FRS2: variants seen among roughly 807,000 people sequenced by gnomAD.
The protein encoded by FRS2 is FGFR signalling adaptor.
A neutral mutation model predicts 43.9 loss-of-function variants in FRS2; 8 were observed. That is an observed-to-expected ratio of 0.18 (90% CI 0.11 to 0.33). FRS2 has a LOEUF of 0.33. FRS2 is among the 10% of genes least tolerant of loss of function. The pLI, the probability that FRS2 is intolerant of heterozygous loss-of-function variation, is 1.00. For missense variants in FRS2, 534 were observed against 627.6 expected, an observed-to-expected ratio of 0.85 and a Z score of 1.59; for synonymous variants, 219 against 220.3, an observed-to-expected ratio of 0.99 and a Z score of 0.05.
intron 1 of FRS2, among the ~76,000 whole-genome samples, chr12:69,498,294 G>A (rs1453849098): frequency 6.6e-6 from 1 of 152,156 alleles, no homozygotes; most frequent in Non-Finnish European, 1.5e-5. Context: ...AGGGATAAAA[G>A]TATAAGGCAC....
chr12:69,519,048 G>A (rs1373169415), intron 1 of FRS2, among the ~76,000 whole-genome samples: 2 of 149,876 alleles, frequency 1.3e-5, no homozygotes, highest in African/African-American at 4.9e-5. Context: ...TTCTATTTTT[G>A]AAGTTATGGA....
chr12:69,556,717 G>A (rs939864678), intron 3 of FRS2, among the ~76,000 whole-genome samples: 5 of 152,126 alleles, frequency 3.3e-5, no homozygotes, highest in East Asian at 3.8e-4. Context: ...ATTTTCTTAC[G>A]TGTCTTTTAG....
intron 1 of FRS2, among the ~76,000 whole-genome samples, chr12:69,505,053 C>T (rs972268072): frequency 1.3e-5 from 2 of 152,158 alleles, no homozygotes; most frequent in African/African-American, 2.4e-5. Context: ...GAGATGGAGT[C>T]TCAGTATATT....
At chr12:69,533,727 C>G (rs144575473) in intron 3 of FRS2, among the ~76,000 whole-genome samples, 1 of 151,992 alleles carries the variant, frequency 6.6e-6, no homozygotes, top group African/African-American at 2.4e-5. Context: ...AGAATTTCAT[C>G]GGGGTGATGA....
In FRS2 at chr12:69,576,442, T is replaced by C. The variant is rs1373365376; in HGVS notation, c.*1487T>C. ...TCTTGGAAAATCAAAGATGTTCCAATTTCCTAAACACTAGAGAATACGAGA... is the reference window on the plus strand; with the variant it reads ...TCTTGGAAAATCAAAGATGTTCCAACTTCCTAAACACTAGAGAATACGAGA... On this transcript the variant is annotated 3_prime_UTR_variant, in exon 9 of 9. Coordinates refer to ENST00000549921, the MANE Select transcript of FRS2 (RefSeq NM_001278356.2). The C allele has an allele frequency of 6.6e-6, 1 of 152,202 alleles. No individual in the cohort carries two copies. 9.4% of individuals were successfully genotyped at this position (152,202 alleles called of 1,614,324 possible). A position where few individuals can be genotyped will look rare whatever the true frequency, so the allele number is the denominator to read the frequency against.
At chr12:69,531,225 G>A (rs868357196) in intron 2 of FRS2, among the ~76,000 whole-genome samples, 1 of 151,834 alleles carries the variant, frequency 6.6e-6, no homozygotes, top group African/African-American at 2.4e-5. Flanking sequence ...AGCTACTTGG[G>A]AGGCTGAGGC....
rs1881128263 is a variant in FRS2, at chr12:69,575,467, A to T, written c.*512A>T. On this transcript the variant is annotated 3_prime_UTR_variant, in exon 9 of 9. Coordinates refer to ENST00000549921, the MANE Select transcript of FRS2 (RefSeq NM_001278356.2). ...ACTTGAGCCAAAACATATGTAAAGGAAACAGAAGTACCGCACCTCCTCTTA... is the reference window on the plus strand; with the variant it reads ...ACTTGAGCCAAAACATATGTAAAGGTAACAGAAGTACCGCACCTCCTCTTA... 6.5e-6 allele frequency: 1 copy of T among 153,700 alleles called. No individual in the cohort carries two copies. Among genetic ancestry groups the T allele is most frequent in the African/African-American group, 2.4e-5 (1 of 41,460 alleles). 9.5% of individuals were successfully genotyped at this position (153,700 alleles called of 1,614,324 possible). A position where few individuals can be genotyped will look rare whatever the true frequency, so the allele number is the denominator to read the frequency against.
Position 69,557,619 on chromosome 12 carries a change from T to TGCGCGCGC in FRS2, c.-121-4550_-121-4543dup, listed in dbSNP as rs529133007. On this transcript the variant is annotated intron_variant, in intron 3 of 8. Transcript: ENST00000549921. ...TTGTGTGTGTGTGTGTGTGTGTGTG[T>TGCGCGCGC]GCGCGCGCGCGCGCGCGCAGGTGCA... 7.8e-3 allele frequency among the ~76,000 whole-genome samples: 925 copies of TGCGCGCGC among 118,932 alleles called. 4 individuals are homozygous for TGCGCGCGC. The highest frequency in any genetic ancestry group is 0.011 in the African/African-American group (399 of 35,136). The allele number at this position is 118,932 out of a possible 152,430, so 78.0% of individuals were successfully genotyped here.
At chr12:69,491,388 C>T (rs577080489) in intron 1 of FRS2, 34 of 152,162 alleles carry the variant, frequency 2.2e-4, no homozygotes, top group African/African-American at 5.3e-4. Flanking sequence ...TGAACTACCG[C>T]GCCTGGCCCA....
chr12:69,562,442 C>T lies in FRS2; in HGVS notation c.-27+168C>T, dbSNP rs182108686. On this transcript the variant is annotated intron_variant, in intron 4 of 8. Coordinates refer to ENST00000549921, the MANE Select transcript of FRS2 (RefSeq NM_001278356.2). ...CTTCCCAAAGTGTTAGGATTACAGG[C>T]GTGAGCCACCACTCCTGGCCTATAA... is the stretch of plus-strand genomic sequence containing the variant. 2.0e-3 allele frequency among the ~76,000 whole-genome samples: 305 copies of T among 152,172 alleles called. 2 individuals carry two copies. The highest frequency in any genetic ancestry group is 7.1e-3 in the African/African-American group (294 of 41,526).
At chr12:69,520,515 G>T (rs1465932230) in intron 1 of FRS2, among the ~76,000 whole-genome samples, 3 of 151,052 alleles carry the variant, frequency 2.0e-5, no homozygotes, top group African/African-American at 7.3e-5. Context: ...GAATGATATT[G>T]CCTAGGTTGT....
intron 1 of FRS2, among the ~76,000 whole-genome samples, chr12:69,482,599 T>C (rs1364457978): frequency 6.6e-6 from 1 of 152,238 alleles, no homozygotes; most frequent in Non-Finnish European, 1.5e-5. Context: ...ATTGCTGTCA[T>C]GGAGCACAGT....
intron 3 of FRS2, among the ~76,000 whole-genome samples, chr12:69,537,022 A>G (rs956919585): frequency 6.6e-6 from 1 of 152,012 alleles, no homozygotes; most frequent in Middle Eastern, 3.2e-3. Flanking sequence ...CTTGTTTATA[A>G]TTAATATATT....
chr12:69,490,282 C>T (rs1372133557), intron 1 of FRS2, among the ~76,000 whole-genome samples: 1 of 152,018 alleles, frequency 6.6e-6, no homozygotes, highest in East Asian at 1.9e-4. Context: ...TAAATAGCAA[C>T]ATTTAAAAAT....
chr12:69,559,784 GT>G (rs1296239941), intron 3 of FRS2, among the ~76,000 whole-genome samples: 1 of 148,842 alleles, frequency 6.7e-6, no homozygotes, highest in Non-Finnish European at 1.5e-5. Flanking sequence ...CTACCCAATG[GT>G]TTAAAAAAAA....
At chr12:69,538,528 A>C (rs780062660) in intron 3 of FRS2, among the ~76,000 whole-genome samples, 1 of 152,096 alleles carries the variant, frequency 6.6e-6, no homozygotes, top group Non-Finnish European at 1.5e-5. Context: ...AAAATGATTC[A>C]TGCCTTTTTA....
At chr12:69,561,014 A>G (rs1296364491) in intron 3 of FRS2, among the ~76,000 whole-genome samples, 1 of 152,202 alleles carries the variant, frequency 6.6e-6, no homozygotes, top group African/African-American at 2.4e-5. Flanking sequence ...GAATAGAGAT[A>G]TTTCTGACTT....
At chr12:69,522,548 C>G (rs961157486) in intron 1 of FRS2, among the ~76,000 whole-genome samples, 1 of 152,038 alleles carries the variant, frequency 6.6e-6, no homozygotes, top group African/African-American at 2.4e-5. Flanking sequence ...AAGCCAACTC[C>G]TGGGTGTATT....
At chr12:69,498,733 T>C (rs1277824687) in intron 1 of FRS2, among the ~76,000 whole-genome samples, 1 of 151,960 alleles carries the variant, frequency 6.6e-6, no homozygotes, top group East Asian at 1.9e-4. Flanking sequence ...TGGTGGAGCT[T>C]GAAGAAGTGG....
Sources: allele counts gnomAD v4.1 joint callset (sites outside exome capture counted in the v4.1 genomes callset), GRCh38; gene constraint gnomAD v4.1.1; transcripts MANE v1.5; gene names NCBI Gene and HGNC (gene_info 2026-07-23, HGNC 2026-07-21).